The following CLIP4 variants were observed in gnomAD, a reference collection of about 807,000 sequenced individuals.
CLIP4 encodes the protein CAP-Gly domain containing linker protein family member 4.
In CLIP4, 47 loss-of-function variants were observed where a neutral mutation model predicts 73.1. The observed-to-expected ratio is 0.64, with a 90% CI of 0.51 to 0.82. CLIP4 has a LOEUF of 0.82. Ranked by LOEUF, CLIP4 falls within the 40% of genes least tolerant of loss-of-function variation. The probability of loss-of-function intolerance (pLI) is 0.00; values close to 1 mark genes in which losing one functional copy is unlikely to be tolerated. For missense variants in CLIP4, 874 were observed against 852.9 expected (o/e 1.02, Z -0.31); for synonymous variants, 306 against 295.4 (o/e 1.04, Z -0.37).
At chr2:29,178,887 C>G (rs1306049113) in intron 15 of CLIP4, among the ~76,000 whole-genome samples, 2 of 152,100 alleles carry the variant, frequency 1.3e-5, no homozygotes, top group Non-Finnish European at 2.9e-5. Context: ...CTCTGCCTCC[C>G]GAGTTCAAGC....
chr2:29,140,188 C>T (rs929813493), intron 6 of CLIP4, among the ~76,000 whole-genome samples: 2 of 152,056 alleles, frequency 1.3e-5, no homozygotes, highest in African/African-American at 2.4e-5. Flanking sequence ...ATTAACTCGT[C>T]GTTTAGCATT....
At chr2:29,152,440 C>T (rs113707143) in intron 8 of CLIP4, among the ~76,000 whole-genome samples, 6 of 152,260 alleles carry the variant, frequency 3.9e-5, no homozygotes, top group African/African-American at 7.2e-5. Context: ...TTCTCTTTCT[C>T]CTGAATTTCA....
At chr2:29,155,425 CAA>C (rs200017768) in intron 9 of CLIP4, among the ~76,000 whole-genome samples, 11 of 143,168 alleles carry the variant, frequency 7.7e-5, no homozygotes, top group East Asian at 4.3e-4. Context: ...CACACACACA[CAA>C]GAGTACAAGC....
chr2:29,120,866 C>G (rs1664203996), intron 1 of CLIP4, among the ~76,000 whole-genome samples: 1 of 152,064 alleles, frequency 6.6e-6, no homozygotes, highest in Non-Finnish European at 1.5e-5. Context: ...TTAGTAAACT[C>G]TTAGATTTGT....
intron 13 of CLIP4, among the ~76,000 whole-genome samples, chr2:29,165,510 C>T (rs1667551691): frequency 6.6e-6 from 1 of 152,144 alleles, no homozygotes; most frequent in Non-Finnish European, 1.5e-5. Flanking sequence ...TGCCCTTAAC[C>T]GTAACCCTAT....
chr2:29,109,243 A>T (rs1668317033), intron 1 of CLIP4, among the ~76,000 whole-genome samples: 1 of 152,166 alleles, frequency 6.6e-6, no homozygotes, highest in Admixed American at 6.5e-5. Flanking sequence ...CTTATTGGCC[A>T]AAAATTTGGG....
chr2:29,180,840 A>ATG lies in CLIP4; in HGVS notation c.1797-712_1797-711dup, dbSNP rs72495863. 5.9e-3 allele frequency among the ~76,000 whole-genome samples: 893 copies of ATG among 150,360 alleles called. 6 individuals are homozygous for ATG. The highest frequency in any genetic ancestry group is 0.019 in the South Asian group (92 of 4,750). On this transcript the variant is annotated intron_variant, in intron 15 of 15. Transcript: ENST00000320081. ...TATTTTACTGAAAGCATATATATGT[A>ATG]TGTGTGTGTGTGTGTGTGTGTACAC...
Position 29,157,194 on chromosome 2 carries a change from T to C in CLIP4, c.1256-10T>C. 1 of 1,613,526 alleles carries C rather than the reference T, an allele frequency of 6.2e-7. No homozygotes were observed. The highest frequency in any genetic ancestry group is 8.5e-7 in the Non-Finnish European group (1 of 1,179,420). ...TTTCCACCGTTTGACACGTTCTTTA[T>C]CTGTTACAGTTGCCCTGCTTGGATC... On this transcript the variant is annotated splice_polypyrimidine_tract_variant and intron_variant, in intron 10 of 15. Transcript: ENST00000320081.
chr2:29,173,470 C>T (rs1668141694), intron 14 of CLIP4, among the ~76,000 whole-genome samples: 1 of 152,156 alleles, frequency 6.6e-6, no homozygotes, highest in African/African-American at 2.4e-5. Context: ...TCTTCCCTGT[C>T]TCCTGTGCAG....
At chr2:29,118,195 G>A (rs1275886000) in intron 1 of CLIP4, 1 of 152,126 alleles carries the variant, frequency 6.6e-6, no homozygotes, top group Non-Finnish European at 1.5e-5. Flanking sequence ...ATAACTCAAG[G>A]ACACTCTTGA....
chr2:29,157,897 A>G (rs1197109952), intron 11 of CLIP4, among the ~76,000 whole-genome samples: 1 of 152,240 alleles, frequency 6.6e-6, no homozygotes, highest in Non-Finnish European at 1.5e-5. Flanking sequence ...CTATATAGCG[A>G]ACTTGTCCAG....
At chr2:29,171,118 TGTCAATA>T in intron 14 of CLIP4, among the ~76,000 whole-genome samples, 1 of 152,354 alleles carries the variant, frequency 6.6e-6, no homozygotes, top group Non-Finnish European at 1.5e-5. Flanking sequence ...ATAATCAGTT[TGTCAATA>T]TCCATAAAAT....
chr2:29,128,133 CATTT>C (rs1572897752), intron 2 of CLIP4, among the ~76,000 whole-genome samples: 1 of 150,106 alleles, frequency 6.7e-6, no homozygotes, highest in Admixed American at 6.6e-5. Flanking sequence ...GTTAGTTTCA[CATTT>C]ATTTGACAAT....
intron 15 of CLIP4, among the ~76,000 whole-genome samples, chr2:29,176,097 T>G (rs1484829002): frequency 6.6e-6 from 1 of 152,216 alleles, no homozygotes; most frequent in Non-Finnish European, 1.5e-5. Flanking sequence ...TTATCTGTTT[T>G]TACTCATAAA....
At chr2:29,130,649 G>A (rs958877867) in intron 2 of CLIP4, 3 of 1,123,276 alleles carry the variant, frequency 2.7e-6, no homozygotes, top group African/African-American at 1.7e-5. Flanking sequence ...CTAAGCTTAC[G>A]AATGTTATCA....
intron 2 of CLIP4, among the ~76,000 whole-genome samples, chr2:29,130,277 C>G (rs114959501): frequency 0.015 from 2,304 of 152,204 alleles, 44 homozygotes; most frequent in East Asian, 0.047. Context: ...GGGTGCTTTT[C>G]TTAATATAAA....
chr2:29,165,626 C>T (rs1358987433), intron 13 of CLIP4, among the ~76,000 whole-genome samples: 1 of 152,174 alleles, frequency 6.6e-6, no homozygotes, highest in Non-Finnish European at 1.5e-5. Context: ...TCTGTGTTCT[C>T]ATGTTACTTT....
chr2:29,148,856 G>C (rs886177749), intron 8 of CLIP4, among the ~76,000 whole-genome samples: 1 of 152,166 alleles, frequency 6.6e-6, no homozygotes, highest in African/African-American at 2.4e-5. Flanking sequence ...TCCTTCAGTA[G>C]CTTTCTGACA....
In CLIP4 at chr2:29,143,734, A is replaced by G. The variant is rs1665947011; in HGVS notation, c.674A>G (p.Asp225Gly). ...AATGACAAAGGACAGATCCCTGCTG[A>G]TGTTGTTCCAGACCCAGTAGATATG... The part of the protein sequence containing the change: ...FRNDKGQIPA[D>G]VVPDPVDMPL... The change falls in exon 7 of 16, where the codon GAT (aspartate) becomes GGT (glycine). Residue 225 changes from aspartate to glycine, a missense_variant. Coordinates refer to ENST00000320081, the MANE Select transcript of CLIP4 (RefSeq NM_024692.6). 1 of 1,613,166 alleles carries G rather than the reference A, an allele frequency of 6.2e-7. No homozygotes were observed. The highest frequency in any genetic ancestry group is 8.5e-7 in the Non-Finnish European group (1 of 1,179,100).
Sources: gnomAD v4.1 joint callset for allele counts (sites outside exome capture counted in the v4.1 genomes callset) on GRCh38, gnomAD v4.1.1 for gene constraint, MANE v1.5 for transcripts, NCBI Gene and HGNC (gene_info 2026-07-23, HGNC 2026-07-21) for gene names.